SLC8A1: variants seen among roughly 807,000 people sequenced by gnomAD.
SLC8A1 encodes the protein solute carrier family 8 member A1, also known as sodium/calcium exchanger 1.
SLC8A1 carries 18 observed loss-of-function variants against 68.3 expected under a neutral mutation model. The observed-to-expected ratio is 0.26, with a 90% CI of 0.18 to 0.39. The LOEUF (loss-of-function observed/expected upper bound fraction) is 0.39, where lower values mean the gene tolerates loss of function less well. Ranked by LOEUF, SLC8A1 falls within the 10% of genes least tolerant of loss-of-function variation. The pLI, the probability that SLC8A1 is intolerant of heterozygous loss-of-function variation, is 1.00. For missense variants in SLC8A1, 985 were observed against 1,156.7 expected (o/e 0.85, Z 2.15); for synonymous variants, 475 against 415.5 (o/e 1.14, Z -1.74).
intron 7 of SLC8A1, among the ~76,000 whole-genome samples, chr2:40,125,388 G>C (rs941936159): frequency 6.6e-6 from 1 of 152,062 alleles, no homozygotes; most frequent in African/African-American, 2.4e-5. Context: ...CCACAATATG[G>C]AACAAGAATC....
chr2:40,309,502 C>CTTTTTTTTTTTT (rs34863585), intron 2 of SLC8A1, among the ~76,000 whole-genome samples: 1 of 123,290 alleles, frequency 8.1e-6, no homozygotes, highest in Non-Finnish European at 1.7e-5. Context: ...GAATATTTTA[C>CTTTTTTTTTTTT]TTTTTTTTTT....
chr2:40,209,418 G>C (rs2056147265), intron 2 of SLC8A1, among the ~76,000 whole-genome samples: 1 of 152,172 alleles, frequency 6.6e-6, no homozygotes, highest in South Asian at 2.1e-4. Flanking sequence ...GGAAAGGTGA[G>C]AGTTAAGAGT....
rs572776186 is a variant in SLC8A1 at position 40,332,619 on chromosome 2, C to T, written c.1808+95854G>A. ...CTTAGGAACATAATTCTCTACCAAG[C>T]TGCAGAAAATAAATGACAGGGTTGG... On this transcript the variant is annotated intron_variant, in intron 2 of 7. Transcript: ENST00000406785. Among the ~76,000 whole-genome samples the T allele has an allele frequency of 4.6e-5, 7 of 152,264 alleles. No homozygotes were observed. The South Asian group carries it at 1.0e-3, about 23-fold the overall frequency.
intron 2 of SLC8A1, among the ~76,000 whole-genome samples, chr2:40,421,488 A>G (rs761863692): frequency 6.6e-6 from 1 of 152,184 alleles, no homozygotes; most frequent in Non-Finnish European, 1.5e-5. Context: ...ATATGTAAGC[A>G]TAGAAAAGCA....
chr2:40,185,464 C>A (rs1291443478), intron 2 of SLC8A1, among the ~76,000 whole-genome samples: 1 of 152,168 alleles, frequency 6.6e-6, no homozygotes, highest in African/African-American at 2.4e-5. Context: ...CTGAGAACAT[C>A]ATTCTAAGTG....
At position 40,318,789 on chromosome 2, in the gene SLC8A1, C is replaced by G. The variant is rs570647034; in HGVS notation, c.1808+109684G>C. On this transcript the variant is annotated intron_variant, in intron 2 of 7. Coordinates refer to ENST00000406785, the Ensembl canonical transcript of SLC8A1. The stretch of plus-strand genomic sequence containing the variant: ...CTCCGGAAGTTACACAAGGCTCTAT[C>G]AGACGAAAGCCTACCAGCTATATCA... 2.0e-5 allele frequency among the ~76,000 whole-genome samples: 3 copies of G among 152,202 alleles called. No homozygotes were observed. The South Asian group carries it at 6.2e-4, about 32-fold the overall frequency.
chr2:40,122,996 A>C (rs2037260088), intron 7 of SLC8A1: 1 of 152,226 alleles, frequency 6.6e-6, no homozygotes, highest in Non-Finnish European at 1.5e-5. Flanking sequence ...AGGGAACACA[A>C]AACAGTGAAG....
intron 2 of SLC8A1, among the ~76,000 whole-genome samples, chr2:40,419,976 T>A (rs1695025519): frequency 6.6e-6 from 1 of 152,194 alleles, no homozygotes; most frequent in South Asian, 2.1e-4. Flanking sequence ...AAAACAAATT[T>A]GTTATAGAAA....
upstream of SLC8A1, among the ~76,000 whole-genome samples, chr2:40,455,651 G>A (rs574077407): frequency 1.3e-5 from 2 of 152,304 alleles, no homozygotes; most frequent in African/African-American, 4.8e-5. Context: ...TCCCAGTTTT[G>A]TTCTTTAGGT....
chr2:40,242,587 A>G (rs144025215), intron 2 of SLC8A1, among the ~76,000 whole-genome samples: 266 of 152,356 alleles, frequency 1.7e-3, no homozygotes, highest in African/African-American at 6.2e-3. Flanking sequence ...TGAATGTCAA[A>G]GGTCTACAAA....
At chr2:40,175,664 G>A (rs887761197) in intron 3 of SLC8A1, among the ~76,000 whole-genome samples, 6 of 152,060 alleles carry the variant, frequency 3.9e-5, no homozygotes. Context: ...TGATATGAGT[G>A]AGGCTTCCTC....
rs1036840319 is a variant in SLC8A1, at chr2:40,234,648, T to C, written c.1809-56793A>G. Among the ~76,000 whole-genome samples, 23 of 152,110 alleles carry C rather than the reference T, an allele frequency of 1.5e-4. 1 individual carries two copies. Among genetic ancestry groups the C allele is most frequent in the East Asian group, 7.7e-4 (4 of 5,178 alleles). ...CTTCCAACAATATGTTGAATAGGAG[T>C]GGTGAGAGAGGGCATCCCTGTCTTG... On this transcript the variant is annotated intron_variant, in intron 2 of 7. Coordinates refer to ENST00000406785, the Ensembl canonical transcript of SLC8A1.
chr2:40,221,827 G>A (rs950237339), intron 2 of SLC8A1, among the ~76,000 whole-genome samples: 5 of 152,072 alleles, frequency 3.3e-5, no homozygotes, highest in South Asian at 2.1e-4. Flanking sequence ...GGGATGTGAA[G>A]GACCTCTTCA....
intron 2 of SLC8A1, among the ~76,000 whole-genome samples, chr2:40,351,952 T>C (rs1671231769): frequency 6.6e-6 from 1 of 152,192 alleles, no homozygotes; most frequent in African/African-American, 2.4e-5. Flanking sequence ...ACAGGGTATA[T>C]GTGCATTCAT....
chr2:40,166,225 G>A (rs1003466839), intron 4 of SLC8A1, among the ~76,000 whole-genome samples: 1 of 152,172 alleles, frequency 6.6e-6, no homozygotes, highest in African/African-American at 2.4e-5. Flanking sequence ...CTCCATTGTT[G>A]CTTTGGCAGC....
At chr2:40,192,863 A>T (rs1179908723) in intron 2 of SLC8A1, among the ~76,000 whole-genome samples, 1 of 152,146 alleles carries the variant, frequency 6.6e-6, no homozygotes, top group Non-Finnish European at 1.5e-5. Flanking sequence ...GAGACTGGTA[A>T]TGGAACAGAA....
chr2:40,306,628 C>T (rs1413606582), intron 2 of SLC8A1, among the ~76,000 whole-genome samples: 1 of 152,254 alleles, frequency 6.6e-6, no homozygotes, highest in Admixed American at 6.5e-5. Context: ...AAGTGTGACA[C>T]TTGGTTCTCG....
chr2:40,411,966 C>T (rs1692290940), intron 2 of SLC8A1, among the ~76,000 whole-genome samples: 1 of 152,026 alleles, frequency 6.6e-6, no homozygotes, highest in African/African-American at 2.4e-5. Flanking sequence ...TTTGTACATA[C>T]TATATAATTT....
intron 2 of SLC8A1, among the ~76,000 whole-genome samples, chr2:40,218,439 T>C (rs2057817231): frequency 6.6e-6 from 1 of 152,226 alleles, no homozygotes; most frequent in East Asian, 1.9e-4. Flanking sequence ...TACCATTACA[T>C]ATTTGATTGG....
Sources: gnomAD v4.1 joint callset for allele counts (sites outside exome capture counted in the v4.1 genomes callset) on GRCh38, gnomAD v4.1.1 for gene constraint, MANE v1.5 for transcripts, NCBI Gene and HGNC (gene_info 2026-07-23, HGNC 2026-07-21) for gene names.